The following SORBS2 variants were observed in gnomAD, a reference collection of about 807,000 sequenced individuals.
The protein encoded by SORBS2 is sorbin and SH3 domain containing 2.
SORBS2 carries 46 observed loss-of-function variants against 97.7 expected under a neutral mutation model. That is an observed-to-expected ratio of 0.47 (90% confidence interval 0.37 to 0.60). The LOEUF (loss-of-function observed/expected upper bound fraction) is 0.60. Ranked by LOEUF, SORBS2 falls within the 20% of genes least tolerant of loss-of-function variation. The pLI, the probability that SORBS2 is intolerant of heterozygous loss-of-function variation, is 0.00. For synonymous variants in SORBS2, 476 were observed against 473.4 expected (o/e 1.01, Z -0.07); for missense variants, 1,316 against 1,282.3 (o/e 1.03, Z -0.40).
Position 185,684,721 on chromosome 4 carries a change from A to T in SORBS2, c.-197-5899T>A. ...AGTCAGAAGAGCTAGAAGCCATTCA[A>T]GTGCGACATTGTGTGAGTTAGTGAT... On this transcript the variant is annotated intron_variant, in intron 2 of 20. Transcript: ENST00000284776. This position sits in a 1 kb window ranked among gnomAD's most constrained non-coding sequence, Gnocchi z 4.2. 7.0e-7 allele frequency: 1 copy of T among 1,426,310 alleles called. No homozygotes were observed. The highest frequency in any genetic ancestry group is 9.7e-7 in the Non-Finnish European group (1 of 1,033,970). 88.4% of individuals were successfully genotyped at this position (1,426,310 alleles called of 1,614,324 possible).
intron 1 of SORBS2, among the ~76,000 whole-genome samples, chr4:185,653,910 T>G (rs530416117): frequency 6.6e-6 from 1 of 152,350 alleles, no homozygotes; most frequent in African/African-American, 2.4e-5. Flanking sequence ...ATTTAAAAAC[T>G]TCTGTTAGGA....
At chr4:185,840,942 G>C (rs777952115) in intron 1 of SORBS2, among the ~76,000 whole-genome samples, 65 of 152,110 alleles carry the variant, frequency 4.3e-4, no homozygotes, top group Non-Finnish European at 8.2e-4. Context: ...AAGAGGGAGG[G>C]GAGGGAGAGG....
upstream of SORBS2, among the ~76,000 whole-genome samples, chr4:185,659,241 G>T (rs1386114245): frequency 6.6e-6 from 1 of 152,112 alleles, no homozygotes; most frequent in Non-Finnish European, 1.5e-5. Context: ...GACATAAAAT[G>T]TCCCTGAATA....
At chr4:185,666,064 G>C in intron 4 of SORBS2, 1 of 1,289,780 alleles carries the variant, frequency 7.8e-7, no homozygotes. Flanking sequence ...TGCTGAGCTG[G>C]TGCCACTGCC....
chr4:185,838,194 C>G (rs2153676182), intron 1 of SORBS2, among the ~76,000 whole-genome samples: 1 of 152,368 alleles, frequency 6.6e-6, no homozygotes, highest in Non-Finnish European at 1.5e-5. Context: ...CCAGGCCTGG[C>G]TGGCCCCGCC....
intron 2 of SORBS2, among the ~76,000 whole-genome samples, chr4:185,689,331 C>T (rs909657118): frequency 7.9e-5 from 12 of 152,168 alleles, no homozygotes; most frequent in African/African-American, 2.9e-4. Flanking sequence ...CTTTGTAGCT[C>T]CAAAACATGG....
rs192232263 is a variant in SORBS2 at position 185,737,371 on chromosome 4, G to A, written c.-198+37856C>T. 3.2e-4 allele frequency among the ~76,000 whole-genome samples: 49 copies of A among 152,314 alleles called. 1 individual carries two copies. The East Asian group carries it at 8.7e-3, about 27-fold the overall frequency. Reference sequence around the variant, plus strand: ...CGTCTCCTCCATCAGGGTCAGGAATGTGTCTGCTCCTTTACTGGAACCATC... The same window carrying A: ...CGTCTCCTCCATCAGGGTCAGGAATATGTCTGCTCCTTTACTGGAACCATC... On this transcript the variant is annotated intron_variant, in intron 2 of 20. Transcript: ENST00000284776.
chr4:185,641,882 G>T (rs1334634844), intron 4 of SORBS2, among the ~76,000 whole-genome samples: 2 of 152,068 alleles, frequency 1.3e-5, no homozygotes, highest in South Asian at 2.1e-4. Context: ...TTACTTAAAA[G>T]CTACCAAGGG....
chr4:185,793,675 G>T (rs1584939633), intron 1 of SORBS2, among the ~76,000 whole-genome samples: 1 of 152,146 alleles, frequency 6.6e-6, no homozygotes, highest in African/African-American at 2.4e-5. Context: ...AACAAAGCGT[G>T]TCTGGGCCAA....
intron 1 of SORBS2, among the ~76,000 whole-genome samples, chr4:185,930,377 C>G (rs111238570): frequency 0.27 from 41,730 of 151,886 alleles, 6,003 homozygotes; most frequent in South Asian, 0.34. Flanking sequence ...TCACTGCAAG[C>G]TCCACCACCC....
chr4:185,762,192 G>C (rs2098898878), intron 2 of SORBS2, among the ~76,000 whole-genome samples: 3 of 152,166 alleles, frequency 2.0e-5, no homozygotes, highest in African/African-American at 7.2e-5. Flanking sequence ...AAATTCGAAT[G>C]CTTGTCTAAG....
intron 1 of SORBS2, chr4:185,810,956 C>G (rs939316881): frequency 5.9e-5 from 9 of 152,154 alleles, no homozygotes; most frequent in Non-Finnish European, 1.3e-4. Context: ...TCCTAGAACT[C>G]AATGCAGAGG....
At chr4:185,746,099 G>C (rs2098758153) in intron 2 of SORBS2, among the ~76,000 whole-genome samples, 2 of 152,178 alleles carry the variant, frequency 1.3e-5, no homozygotes, top group African/African-American at 2.4e-5. Flanking sequence ...GGGCCTTTGG[G>C]TAAGATTTAC....
At chr4:185,954,033 G>A (rs967505431) in intron 1 of SORBS2, among the ~76,000 whole-genome samples, 1 of 152,166 alleles carries the variant, frequency 6.6e-6, no homozygotes, top group Non-Finnish European at 1.5e-5. Context: ...TTTTATTGAT[G>A]CTAACTTTAT....
chr4:185,722,373 AATT>A (rs1171339067), intron 2 of SORBS2, among the ~76,000 whole-genome samples: 19 of 152,236 alleles, frequency 1.2e-4, no homozygotes, highest in African/African-American at 4.3e-4. Context: ...GTTAATTCTA[AATT>A]ATTATCATTC....
chr4:185,631,890 T>C (rs976954358), intron 4 of SORBS2, among the ~76,000 whole-genome samples: 10 of 152,262 alleles, frequency 6.6e-5, no homozygotes, highest in African/African-American at 2.4e-4. Context: ...TGATGATCAA[T>C]TCATCACAGA....
At chr4:185,796,019 A>G (rs540519335) in intron 1 of SORBS2, among the ~76,000 whole-genome samples, 2 of 152,146 alleles carry the variant, frequency 1.3e-5, no homozygotes, top group Admixed American at 6.5e-5. Flanking sequence ...TGAGCCATTC[A>G]TCTTTTCTTC....
At chr4:185,930,600 G>T (rs188791472) in intron 1 of SORBS2, among the ~76,000 whole-genome samples, 36 of 152,158 alleles carry the variant, frequency 2.4e-4, no homozygotes, top group Admixed American at 1.8e-3. Context: ...TCCCGGCCCT[G>T]GATAGAGTTT....
intron 1 of SORBS2, among the ~76,000 whole-genome samples, chr4:185,899,732 G>A (rs1165465189): frequency 6.6e-6 from 1 of 152,208 alleles, no homozygotes; most frequent in Non-Finnish European, 1.5e-5. Flanking sequence ...AAGTAGACTT[G>A]TGTTTGGGGG....
Sources: allele counts gnomAD v4.1 joint callset (sites outside exome capture counted in the v4.1 genomes callset), GRCh38; gene constraint gnomAD v4.1.1; non-coding constraint Gnocchi (gnomAD v3.1); transcripts MANE v1.5; gene names NCBI Gene and HGNC (gene_info 2026-07-23, HGNC 2026-07-21).